Variants in ABL1 observed in about 807,000 individuals in gnomAD.
The protein encoded by ABL1 is tyrosine-protein kinase ABL1.
In ABL1, 11 loss-of-function variants were observed where a neutral mutation model predicts 94.7. That is an observed-to-expected ratio of 0.12 (90% CI 0.07 to 0.19). The LOEUF (loss-of-function observed/expected upper bound fraction) is 0.19, where lower values mean the gene tolerates loss of function less well. Ranked by LOEUF, ABL1 falls within the 10% of genes least tolerant of loss-of-function variation. The pLI is 1.00. For missense variants in ABL1, 1,082 were observed against 1,489.4 expected (o/e 0.73, Z 4.50); for synonymous variants, 656 against 622.4 (o/e 1.05, Z -0.80).
intron 1 of ABL1, among the ~76,000 whole-genome samples, chr9:130,809,700 AT>A (rs1300357244): frequency 6.6e-6 from 1 of 152,146 alleles, no homozygotes; most frequent in Non-Finnish European, 1.5e-5. Context: ...AAAGGGTCAG[AT>A]TTTTTGTTCA....
intron 1 of ABL1, among the ~76,000 whole-genome samples, chr9:130,811,085 T>C (rs141470715): frequency 6.5e-4 from 98 of 151,344 alleles, no homozygotes; most frequent in African/African-American, 2.1e-3. Flanking sequence ...GAAGGCAAAA[T>C]AAGGTCTCTT....
intron 1 of ABL1, among the ~76,000 whole-genome samples, chr9:130,845,238 A>G (rs972268766): frequency 3.9e-5 from 6 of 152,314 alleles, no homozygotes; most frequent in East Asian, 1.9e-4. Flanking sequence ...AGGTTTAAAT[A>G]TTTCCCCTGG....
intron 1 of ABL1, among the ~76,000 whole-genome samples, chr9:130,852,942 T>A (rs1216528712): frequency 1.3e-5 from 2 of 151,376 alleles, no homozygotes. Context: ...GTGGGGTGTG[T>A]TAATAGCCTT....
chr9:130,713,926 C>A (rs1476336176), exon 1 of ABL1: 1 of 234,962 alleles, frequency 4.3e-6, no homozygotes, highest in African/African-American at 2.2e-5. Context: ...TAGCCAAAGA[C>A]CATCAGCGTT....
chr9:130,724,112 T>G (rs1407529946), intron 1 of ABL1, among the ~76,000 whole-genome samples: 1 of 152,086 alleles, frequency 6.6e-6, no homozygotes, highest in African/African-American at 2.4e-5. Context: ...GCGTGGCCTT[T>G]TAAAAAAATT....
At position 130,877,639 on chromosome 9, in the gene ABL1, CTTTTT is replaced by C. The variant is rs754804823; in HGVS notation, c.1271-767_1271-763del. 2.0e-3 allele frequency among the ~76,000 whole-genome samples: 282 copies of C among 138,440 alleles called. 24 individuals are homozygous for C. The highest frequency in any genetic ancestry group is 7.6e-3 in the African/African-American group (274 of 35,910). 90.8% of individuals were successfully genotyped at this position (138,440 alleles called of 152,430 possible). A position where few individuals can be genotyped will look rare whatever the true frequency, so the allele number is the denominator to read the frequency against. ...CTGAGTCTTGTTCTGTCCTGGTCTCCTTTTTTTTTTTTTATTTTTGAGACGGGGTC... is the reference window on the plus strand; with the variant it reads ...CTGAGTCTTGTTCTGTCCTGGTCTCCTTTTTTTTATTTTTGAGACGGGGTC... On this transcript the variant is annotated intron_variant, in intron 7 of 10. Coordinates refer to ENST00000318560, the MANE Select transcript of ABL1 (RefSeq NM_005157.6).
intron 1 of ABL1, among the ~76,000 whole-genome samples, chr9:130,720,163 A>C (rs1831497561): frequency 6.6e-6 from 1 of 152,212 alleles, no homozygotes; most frequent in African/African-American, 2.4e-5. Context: ...TAAACAAAAC[A>C]ATCCCTGCCC....
intron 4 of ABL1, among the ~76,000 whole-genome samples, chr9:130,867,849 T>G (rs1831182189): frequency 6.6e-6 from 1 of 151,826 alleles, no homozygotes; most frequent in Non-Finnish European, 1.5e-5. Context: ...CTCTACGAGG[T>G]GGTCTCTCCT....
intron 1 of ABL1, among the ~76,000 whole-genome samples, chr9:130,843,029 T>C (rs886088464): frequency 6.6e-6 from 1 of 152,240 alleles, no homozygotes; most frequent in African/African-American, 2.4e-5. Context: ...TATATAGGTT[T>C]TCCTGGTCAG....
chr9:130,766,304 A>G (rs1422688088), intron 1 of ABL1, among the ~76,000 whole-genome samples: 1 of 152,214 alleles, frequency 6.6e-6, no homozygotes, highest in Non-Finnish European at 1.5e-5. Flanking sequence ...CTGTCAGGAC[A>G]GATGCCTTAC....
chr9:130,782,290 A>G (rs1588236964), intron 1 of ABL1, among the ~76,000 whole-genome samples: 1 of 152,156 alleles, frequency 6.6e-6, no homozygotes, highest in Non-Finnish European at 1.5e-5. Context: ...CAAACTCCTG[A>G]CCTCAAGTGA....
intron 6 of ABL1, among the ~76,000 whole-genome samples, chr9:130,874,505 C>T (rs556246427): frequency 3.3e-5 from 5 of 152,346 alleles, no homozygotes; most frequent in East Asian, 3.9e-4. Context: ...CTATTCTCGA[C>T]ACTTCAATCA....
chr9:130,797,120 C>T (rs2132820760), intron 1 of ABL1, among the ~76,000 whole-genome samples: 1 of 150,528 alleles, frequency 6.6e-6, no homozygotes, highest in Admixed American at 6.6e-5. Flanking sequence ...CCTGTAATCC[C>T]AGCTACTTGG....
chr9:130,815,465 T>C (rs1013489230), intron 1 of ABL1, among the ~76,000 whole-genome samples: 1 of 152,174 alleles, frequency 6.6e-6, no homozygotes, highest in African/African-American at 2.4e-5. Context: ...GGGATCTTCC[T>C]TGACTCTTCT....
chr9:130,800,271 T>C (rs1247964534), intron 1 of ABL1, among the ~76,000 whole-genome samples: 3 of 152,144 alleles, frequency 2.0e-5, no homozygotes, highest in African/African-American at 4.8e-5. Flanking sequence ...TATTTACATA[T>C]AATATCCACC....
At chr9:130,820,698 T>C (rs1021417614) in intron 1 of ABL1, among the ~76,000 whole-genome samples, 1 of 152,220 alleles carries the variant, frequency 6.6e-6, no homozygotes, top group African/African-American at 2.4e-5. Context: ...TGTTTGCAGC[T>C]TGGAACTGAG....
chr9:130,767,991 G>T (rs1401991916), intron 1 of ABL1, among the ~76,000 whole-genome samples: 2 of 152,130 alleles, frequency 1.3e-5, no homozygotes, highest in Non-Finnish European at 2.9e-5. Flanking sequence ...TTAAAAATTA[G>T]GAAATTTTAA....
At chr9:130,729,740 CT>C (rs149864780) in intron 1 of ABL1, among the ~76,000 whole-genome samples, 195 of 145,552 alleles carry the variant, frequency 1.3e-3, no homozygotes, top group Middle Eastern at 3.5e-3. Flanking sequence ...TCTGCATATT[CT>C]TTTTTTTTTT....
intron 1 of ABL1, among the ~76,000 whole-genome samples, chr9:130,745,410 GT>G (rs1328977266): frequency 6.6e-6 from 1 of 151,800 alleles, no homozygotes; most frequent in African/African-American, 2.4e-5. Context: ...TGTCAACTGT[GT>G]AGGTGTTCAT....
Sources: allele counts gnomAD v4.1 joint callset (sites outside exome capture counted in the v4.1 genomes callset), GRCh38; gene constraint gnomAD v4.1.1; transcripts MANE v1.5; gene names NCBI Gene and HGNC (gene_info 2026-07-23, HGNC 2026-07-21).